Variants in IL2RB observed in about 807,000 individuals in gnomAD.
IL2RB encodes interleukin 2 receptor subunit beta.
In IL2RB, 17 loss-of-function variants were observed where a neutral mutation model predicts 44.2. The observed-to-expected ratio is 0.38, with a 90% CI of 0.26 to 0.58. The LOEUF is 0.58. Ranked by LOEUF, IL2RB falls within the 20% of genes least tolerant of loss-of-function variation. IL2RB has a pLI of 0.63. For missense variants in IL2RB, 624 were observed against 685.5 expected, an observed-to-expected ratio of 0.91 and a Z score of 1.00; for synonymous variants, 286 against 297.9, an observed-to-expected ratio of 0.96 and a Z score of 0.41.
At chr22:37,154,861 A>ACCACG (rs1356454416), upstream of IL2RB, among the ~76,000 whole-genome samples, 1 of 151,984 alleles carries the variant, frequency 6.6e-6, no homozygotes, top group African/African-American at 2.4e-5. Flanking sequence ...GACGTTAGCC[A>ACCACG]CCACGGCCGG....
intron 2 of IL2RB, 46 bp downstream of exon 2, chr22:37,144,039 T>C: frequency 6.4e-7 from 1 of 1,551,144 alleles, no homozygotes; most frequent in Non-Finnish European, 8.7e-7. Context: ...GCCTTAGCCA[T>C]CTCTCCATAG....
intron 1 of IL2RB, among the ~76,000 whole-genome samples, chr22:37,172,075 C>T (rs1178676721): frequency 1.3e-5 from 2 of 152,136 alleles, no homozygotes; most frequent in East Asian, 1.9e-4. Flanking sequence ...GCTCGGCTGA[C>T]GTTGTCAGGA....
chr22:37,146,689 G>A (rs1922241659), intron 1 of IL2RB, among the ~76,000 whole-genome samples: 1 of 152,228 alleles, frequency 6.6e-6, no homozygotes, highest in Non-Finnish European at 1.5e-5. Flanking sequence ...AGCAGGGCCG[G>A]CGTTGACCAG....
At chr22:37,151,540 T>C (rs1922486279), upstream of IL2RB, among the ~76,000 whole-genome samples, 1 of 152,242 alleles carries the variant, frequency 6.6e-6, no homozygotes, top group Non-Finnish European at 1.5e-5. Context: ...ATTGCATCCT[T>C]TGCTGTGTAG....
chr22:37,127,912 G>A lies in IL2RB; in HGVS notation c.*184C>T. 2.3e-6 allele frequency: 1 copy of A among 432,378 alleles called. No homozygotes were observed. The allele number at this position is 432,378 out of a possible 1,614,324, so 26.8% of individuals were successfully genotyped here. On this transcript the variant is annotated 3_prime_UTR_variant, in exon 10 of 10. Coordinates refer to ENST00000216223, the MANE Select transcript of IL2RB (RefSeq NM_000878.5). ...GCTCGGGCAGCAGGACCCGGGAGCA[G>A]CAGTGGAGGTTTGGAAATGGATGGA... is the stretch of plus-strand genomic sequence containing the variant.
chr22:37,126,617 G>A lies in IL2RB; in HGVS notation c.*1479C>T, dbSNP rs943024044. On this transcript the variant is annotated 3_prime_UTR_variant, in exon 10 of 10. Transcript: ENST00000216223. ...TGCTGGTCAGAGCCTGTGGGGGCGT[G>A]TGGTCAGGTGCCCAATCAGCTGTGA... 1 of 152,282 alleles carries A rather than the reference G, an allele frequency of 6.6e-6. No individual in the cohort carries two copies. The highest frequency in any genetic ancestry group is 2.4e-5 in the African/African-American group (1 of 41,464). 9.4% of individuals were successfully genotyped at this position (152,282 alleles called of 1,614,324 possible).
At chr22:37,138,611 T>G (rs1467813251) in intron 5 of IL2RB, among the ~76,000 whole-genome samples, 1 of 152,210 alleles carries the variant, frequency 6.6e-6, no homozygotes, top group Non-Finnish European at 1.5e-5. Context: ...GACTCTGCCT[T>G]CAGGGTGCTC....
At chr22:37,165,206 A>T (rs1301964984) in intron 1 of IL2RB, among the ~76,000 whole-genome samples, 2 of 152,242 alleles carry the variant, frequency 1.3e-5, no homozygotes, top group East Asian at 1.9e-4. Flanking sequence ...GGCCTGGGCC[A>T]TCTGGCTCCT....
At chr22:37,153,756 C>A (rs1922577797), upstream of IL2RB, among the ~76,000 whole-genome samples, 1 of 152,184 alleles carries the variant, frequency 6.6e-6, no homozygotes, top group Non-Finnish European at 1.5e-5. Flanking sequence ...TCTATAGACC[C>A]TTTTGTATGG....
chr22:37,146,237 C>T (rs990297730), intron 1 of IL2RB, among the ~76,000 whole-genome samples: 4 of 152,208 alleles, frequency 2.6e-5, no homozygotes, highest in African/African-American at 9.7e-5. Context: ...GGCACCACCC[C>T]ATCTGCAGGC....
chr22:37,146,968 C>T (rs1190086906), intron 1 of IL2RB, among the ~76,000 whole-genome samples: 2 of 152,182 alleles, frequency 1.3e-5, no homozygotes, highest in Admixed American at 6.5e-5. Context: ...CAGAGGCCCA[C>T]GCACTGTCAA....
upstream of IL2RB, among the ~76,000 whole-genome samples, chr22:37,154,473 A>G (rs911558498): frequency 6.6e-6 from 1 of 152,120 alleles, no homozygotes; most frequent in African/African-American, 2.4e-5. Flanking sequence ...AAGTCTGGCT[A>G]ATGGGATGTG....
rs764222346 is a variant in IL2RB, at chr22:37,137,718, T to G, written c.406A>C (p.Ile136Leu). 45 of 1,613,720 alleles carry G rather than the reference T, an allele frequency of 2.8e-5. No individual in the cohort carries two copies. The highest frequency in any genetic ancestry group is 4.0e-5 in the African/African-American group (3 of 74,860). The change falls in exon 6 of 10, where the codon ATC becomes CTC. Residue 136 changes from isoleucine to leucine, a missense_variant. Ile to Leu is a conservative substitution (Grantham distance 5). Transcript: ENST00000216223. ...TCCACGTGGACAACTTGGAGGGAGA[T>G]GGGGGCCATCAGGCGAACTGGAGAC... ...PFENLRLMAP[I>L]SLQVVHVETH...
intron 1 of IL2RB, among the ~76,000 whole-genome samples, chr22:37,169,246 A>C (rs556457796): frequency 6.7e-6 from 1 of 148,292 alleles, no homozygotes; most frequent in East Asian, 2.0e-4. Context: ...TTGCTTACAG[A>C]GGGGTTCTGT....
At chr22:37,139,485 T>A (rs1921862745) in intron 4 of IL2RB, among the ~76,000 whole-genome samples, 1 of 152,218 alleles carries the variant, frequency 6.6e-6, no homozygotes, top group Non-Finnish European at 1.5e-5. Flanking sequence ...ATTAGGGCCA[T>A]GTTCCAGTAA....
intron 9 of IL2RB, among the ~76,000 whole-genome samples, chr22:37,130,060 T>C (rs1334154976): frequency 6.6e-6 from 1 of 152,212 alleles, no homozygotes; most frequent in Admixed American, 6.5e-5. Flanking sequence ...CATGCACACA[T>C]GCACACACGT....
At chr22:37,161,589 GC>G (rs1024992955) in intron 1 of IL2RB, among the ~76,000 whole-genome samples, 4 of 118,748 alleles carry the variant, frequency 3.4e-5, no homozygotes, top group East Asian at 5.7e-4. Context: ...CAGACCTCAG[GC>G]GGGGAGAGCA....
chr22:37,140,741 C>A (rs1464408827), intron 4 of IL2RB, among the ~76,000 whole-genome samples: 1 of 152,094 alleles, frequency 6.6e-6, no homozygotes, highest in Non-Finnish European at 1.5e-5. Flanking sequence ...CTTTGACAGA[C>A]AATAATTTGA....
Position 37,127,896 on chromosome 22 carries a change from G to T in IL2RB, c.*200C>A. On this transcript the variant is annotated 3_prime_UTR_variant, in exon 10 of 10. Coordinates refer to ENST00000216223, the MANE Select transcript of IL2RB (RefSeq NM_000878.5). ...ACACACACAGTTCCTGGCTCGGGCAGCAGGACCCGGGAGCAGCAGTGGAGG... is the reference window on the plus strand; with the variant it reads ...ACACACACAGTTCCTGGCTCGGGCATCAGGACCCGGGAGCAGCAGTGGAGG... 2.4e-6 allele frequency: 1 copy of T among 415,524 alleles called. No homozygotes were observed. The highest frequency in any genetic ancestry group is 9.6e-5 in the South Asian group (1 of 10,456). 25.7% of individuals were successfully genotyped at this position (415,524 alleles called of 1,614,324 possible). A position where few individuals can be genotyped will look rare whatever the true frequency, so the allele number is the denominator to read the frequency against.
Sources: gnomAD v4.1 joint callset for allele counts (sites outside exome capture counted in the v4.1 genomes callset) on GRCh38, gnomAD v4.1.1 for gene constraint, MANE v1.5 for transcripts, NCBI Gene and HGNC (gene_info 2026-07-23, HGNC 2026-07-21) for gene names.